Variants in NBL1 observed in about 807,000 individuals in gnomAD.
NBL1 encodes neuroblastoma suppressor of tumorigenicity 1.
A neutral mutation model predicts 16.0 loss-of-function variants in NBL1; 9 were observed. That is an observed-to-expected ratio of 0.56 (90% CI 0.34 to 0.98). NBL1 has a LOEUF of 0.98. NBL1 is among the 50% of genes least tolerant of loss of function. The pLI is 0.02. For missense variants in NBL1, 196 were observed against 243.1 expected (o/e 0.81, Z 1.29); for synonymous variants, 86 against 100.7 (o/e 0.85, Z 0.87).
chr1:19,657,218 C>G lies in NBL1; in HGVS notation c.*89C>G, dbSNP rs1369273189. 9 of 625,074 alleles carry G rather than the reference C, an allele frequency of 1.4e-5. No homozygotes were observed. The highest frequency in any genetic ancestry group is 7.4e-5 in the African/African-American group (4 of 54,348). The allele number at this position is 625,074 out of a possible 1,614,324, so 38.7% of individuals were successfully genotyped here. A position where few individuals can be genotyped will look rare whatever the true frequency, so the allele number is the denominator to read the frequency against. ...AAGTCAGGGGAGAAGCTGAAGCCCC[C>G]CTTTGGCACTGGATGGACTTGGCTT... On this transcript the variant is annotated 3_prime_UTR_variant, in exon 4 of 4. Transcript: ENST00000375136.
At chr1:19,651,380 C>T (rs539245465) in intron 1 of NBL1, among the ~76,000 whole-genome samples, 41 of 152,220 alleles carry the variant, frequency 2.7e-4, no homozygotes, top group Non-Finnish European at 5.1e-4. Context: ...CAGCTGTGCA[C>T]TGGAAAGGGT....
intron 1 of NBL1, chr1:19,646,025 G>C: frequency 6.4e-7 from 1 of 1,550,642 alleles, no homozygotes; most frequent in Non-Finnish European, 8.7e-7. Context: ...GCGGGCAGGA[G>C]GGTCTGCGGT....
chr1:19,645,440 G>A, intron 1 of NBL1: 1 of 989,480 alleles, frequency 1.0e-6, no homozygotes, highest in Non-Finnish European at 1.2e-6. Flanking sequence ...GGCATCAAGG[G>A]AGAAAGCCAC....
upstream of NBL1, chr1:19,644,240 T>G: frequency 2.0e-6 from 2 of 977,118 alleles, no homozygotes; most frequent in Non-Finnish European, 2.4e-6. The surrounding 1 kb of genome is among the most constrained non-coding windows in gnomAD (Gnocchi z 4.6). Context: ...GCCCCCGCCC[T>G]CGCGCCCTGT....
upstream of NBL1, chr1:19,643,236 CA>C (rs2100374169): frequency 1.4e-6 from 2 of 1,413,884 alleles, no homozygotes; most frequent in East Asian, 4.6e-5. The surrounding 1 kb of genome is among the most constrained non-coding windows in gnomAD (Gnocchi z 4.7). Flanking sequence ...GGCGCAGATG[CA>C]GGCTGGGTGT....
intron 2 of NBL1, 61 bp from the exon 3 acceptor site, chr1:19,655,263 A>G (rs1054324976): frequency 1.2e-6 from 2 of 1,611,234 alleles, no homozygotes; most frequent in African/African-American, 1.3e-5. Flanking sequence ...GAAGAGGACC[A>G]GGGCTGCCCA....
upstream of NBL1, chr1:19,643,346 C>A (rs749875570): frequency 3.7e-6 from 6 of 1,613,924 alleles, no homozygotes; most frequent in African/African-American, 8.0e-5. The surrounding 1 kb of genome is among the most constrained non-coding windows in gnomAD (Gnocchi z 4.7). Flanking sequence ...ACAAGCAGGG[C>A]TGTGTCTATC....
intron 1 of NBL1, among the ~76,000 whole-genome samples, chr1:19,649,751 T>A (rs1468516639): frequency 6.6e-6 from 1 of 151,890 alleles, no homozygotes; most frequent in African/African-American, 2.4e-5. Flanking sequence ...AGCCTCAACC[T>A]CCCAGGACCG....
chr1:19,645,723 C>A (rs548654339), intron 1 of NBL1: 1 of 1,335,674 alleles, frequency 7.5e-7, no homozygotes, highest in Admixed American at 3.2e-5. Context: ...GACCCCTACC[C>A]CTCTCCACCC....
intron 1 of NBL1, among the ~76,000 whole-genome samples, chr1:19,648,691 C>T (rs1238483821): frequency 1.5e-5 from 2 of 134,256 alleles, no homozygotes; most frequent in African/African-American, 2.8e-5. Context: ...GGGGAATTTC[C>T]TTTCTGTGTG....
intron 3 of NBL1, among the ~76,000 whole-genome samples, chr1:19,656,331 C>A (rs1251784636): frequency 7.1e-6 from 1 of 140,116 alleles, no homozygotes; most frequent in Non-Finnish European, 1.5e-5. Flanking sequence ...GGGTGGGGCT[C>A]TTTTGAGGAA....
chr1:19,646,699 A>G (rs1005054085), intron 1 of NBL1, among the ~76,000 whole-genome samples: 1 of 152,236 alleles, frequency 6.6e-6, no homozygotes, highest in Non-Finnish European at 1.5e-5. Context: ...AGTGGGGCAC[A>G]GCCTGTTTTC....
In NBL1 at chr1:19,658,408, C is replaced by A. The variant is rs959827846; in HGVS notation, c.*1279C>A. ...GAGCTTGTCACCATTGGACAGTCTC[C>A]CTGATGGACCCTCAGTCTTCTCATG... On this transcript the variant is annotated 3_prime_UTR_variant, in exon 4 of 4. Coordinates refer to ENST00000375136, the MANE Select transcript of NBL1 (RefSeq NM_005380.8). The A allele has an allele frequency of 1.3e-5, 2 of 152,644 alleles. No individual in the cohort carries two copies. The highest frequency in any genetic ancestry group is 4.8e-5 in the African/African-American group (2 of 41,436). 9.5% of individuals were successfully genotyped at this position (152,644 alleles called of 1,614,324 possible). A position where few individuals can be genotyped will look rare whatever the true frequency, so the allele number is the denominator to read the frequency against.
chr1:19,647,389 G>C (rs540060837), intron 1 of NBL1, among the ~76,000 whole-genome samples: 2 of 152,280 alleles, frequency 1.3e-5, no homozygotes, highest in South Asian at 2.1e-4. Flanking sequence ...TTGTGCCACC[G>C]CGCTCCAGCC....
chr1:19,643,692 A>G, upstream of NBL1: 1 of 1,185,608 alleles, frequency 8.4e-7, no homozygotes. This position sits in a 1 kb window ranked among gnomAD's most constrained non-coding sequence, Gnocchi z 4.7. Flanking sequence ...GCTTAAGCCA[A>G]GGGCGTGGGG....
At chr1:19,648,407 G>A (rs575903486) in intron 1 of NBL1, among the ~76,000 whole-genome samples, 24 of 152,306 alleles carry the variant, frequency 1.6e-4, no homozygotes, top group African/African-American at 5.3e-4. Flanking sequence ...TGCCCAGGCC[G>A]TGCCTCATAC....
At chr1:19,653,609 C>G (rs1434740302) in intron 1 of NBL1, among the ~76,000 whole-genome samples, 1 of 152,260 alleles carries the variant, frequency 6.6e-6, no homozygotes, top group Non-Finnish European at 1.5e-5. Context: ...TTGGGAACCA[C>G]TGGCCTGGCT....
intron 1 of NBL1, among the ~76,000 whole-genome samples, chr1:19,653,112 C>A (rs1437859927): frequency 6.6e-6 from 1 of 151,624 alleles, no homozygotes; most frequent in African/African-American, 2.4e-5. Context: ...ACGGTGAAAC[C>A]CCGTCTCTAC....
At position 19,655,027 on chromosome 1, in the gene NBL1, G is replaced by C; in HGVS notation, c.-4G>C. 1 of 1,604,456 alleles carries C rather than the reference G, an allele frequency of 6.2e-7. No individual in the cohort carries two copies. The highest frequency in any genetic ancestry group is 8.5e-7 in the Non-Finnish European group (1 of 1,176,504). On this transcript the variant is annotated 5_prime_UTR_variant, in exon 2 of 4. Transcript: ENST00000375136. ...TCCGTTCTAGGGCTCTGGAGGCCAC[G>C]GGCATGATGCTTCGGGTCCTGGTGG...
Sources: gnomAD v4.1 joint callset for allele counts (sites outside exome capture counted in the v4.1 genomes callset) on GRCh38, gnomAD v4.1.1 for gene constraint, Gnocchi (gnomAD v3.1) non-coding constraint, MANE v1.5 for transcripts, NCBI Gene and HGNC (gene_info 2026-07-23, HGNC 2026-07-21) for gene names.